Variants in MSH3 observed in about 807,000 individuals in gnomAD.
MSH3 encodes the protein mutS homolog 3, also known as DNA mismatch repair protein Msh3.
In MSH3, 106 loss-of-function variants were observed where a neutral mutation model predicts 123.3. The ratio of observed to expected loss-of-function variants is 0.86; its 90% CI spans 0.73 to 1.01. MSH3 has a LOEUF of 1.01. MSH3 is among the 50% of genes least tolerant of loss of function. MSH3 has a pLI of 0.00. For synonymous variants in MSH3, 515 were observed against 481.4 expected, an observed-to-expected ratio of 1.07 and a Z score of -0.91; for missense variants, 1,459 against 1,347.6, an observed-to-expected ratio of 1.08 and a Z score of -1.29.
intron 20 of MSH3, among the ~76,000 whole-genome samples, chr5:80,850,893 A>G (rs1267394940): frequency 6.6e-6 from 1 of 152,192 alleles, no homozygotes; most frequent in East Asian, 1.9e-4. Flanking sequence ...TCTGACTGGA[A>G]CATTACTCGA....
At chr5:80,674,792 G>C (rs966379681) in intron 6 of MSH3, among the ~76,000 whole-genome samples, 191 bp from the exon 7 acceptor site, 8 of 151,726 alleles carry the variant, frequency 5.3e-5, no homozygotes, top group African/African-American at 1.7e-4. Context: ...TGCCCAGGGT[G>C]GTCTCTCAAA....
intron 8 of MSH3, among the ~76,000 whole-genome samples, chr5:80,685,758 A>T (rs1030688975): frequency 2.0e-5 from 3 of 150,804 alleles, no homozygotes; most frequent in South Asian, 4.2e-4. Flanking sequence ...TTTATTTGAA[A>T]TGTTTCCTCT....
chr5:80,709,486 G>A (rs1750801083), intron 8 of MSH3, among the ~76,000 whole-genome samples: 1 of 151,954 alleles, frequency 6.6e-6, no homozygotes, highest in Admixed American at 6.5e-5. Context: ...GCCTAGCGCA[G>A]TGGCGGGTGC....
intron 12 of MSH3, among the ~76,000 whole-genome samples, chr5:80,759,967 A>G (rs1295714012): frequency 6.6e-6 from 1 of 152,232 alleles, no homozygotes; most frequent in Admixed American, 6.5e-5. Context: ...AAGTTAGTAT[A>G]GAAGCTCTGT....
chr5:80,832,690 C>CTG (rs891240751), intron 20 of MSH3, among the ~76,000 whole-genome samples: 1 of 151,330 alleles, frequency 6.6e-6, no homozygotes, highest in Non-Finnish European at 1.5e-5. Flanking sequence ...TACCACTGAG[C>CTG]TGTGTACCTA....
chr5:80,672,199 T>C, intron 4 of MSH3, 45 bp from the exon 5 acceptor site: 1 of 1,341,634 alleles, frequency 7.5e-7, no homozygotes, highest in Non-Finnish European at 1.1e-6. Flanking sequence ...ACATAGGGAA[T>C]CTTAAAATAT....
intron 12 of MSH3, among the ~76,000 whole-genome samples, chr5:80,756,683 A>G (rs6151770): frequency 0.11 from 16,462 of 152,226 alleles, 918 homozygotes; most frequent in South Asian, 0.14. Flanking sequence ...CTTTTTAAAA[A>G]GTTTTACTAT....
intron 20 of MSH3, among the ~76,000 whole-genome samples, chr5:80,818,508 A>G (rs936779554): frequency 2.0e-5 from 3 of 151,886 alleles, no homozygotes; most frequent in African/African-American, 7.2e-5. Flanking sequence ...TCTTAATTCA[A>G]TCCTGACTCA....
chr5:80,723,273 C>T (rs1751126064), intron 8 of MSH3, among the ~76,000 whole-genome samples: 1 of 151,750 alleles, frequency 6.6e-6, no homozygotes, highest in African/African-American at 2.4e-5. Context: ...GATGCCAAGC[C>T]CTAGAAATTA....
chr5:80,770,594 G>A (rs1744199181), intron 15 of MSH3, among the ~76,000 whole-genome samples: 1 of 152,150 alleles, frequency 6.6e-6, no homozygotes, highest in South Asian at 2.1e-4. Context: ...AAGGTTTGGA[G>A]TAGTTAGATA....
At chr5:80,704,125 G>T (rs1007157722) in intron 8 of MSH3, among the ~76,000 whole-genome samples, 1 of 152,230 alleles carries the variant, frequency 6.6e-6, no homozygotes, top group East Asian at 1.9e-4. Context: ...CTGTTCCGGG[G>T]TCTATCAGCA....
At chr5:80,767,189 A>G (rs1010042648) in intron 13 of MSH3, among the ~76,000 whole-genome samples, 5 of 149,180 alleles carry the variant, frequency 3.4e-5, no homozygotes, top group Non-Finnish European at 7.5e-5. Flanking sequence ...TACTATGAAT[A>G]TTCAGACACA....
chr5:80,737,465 C>G (rs186935516), intron 10 of MSH3, among the ~76,000 whole-genome samples: 48 of 152,220 alleles, frequency 3.2e-4, no homozygotes, highest in African/African-American at 1.1e-3. Context: ...ATTGATAAAA[C>G]TATTTTCCCA....
intron 4 of MSH3, among the ~76,000 whole-genome samples, chr5:80,671,685 G>T (rs1377309833): frequency 6.6e-6 from 1 of 152,200 alleles, no homozygotes; most frequent in Non-Finnish European, 1.5e-5. Flanking sequence ...CATGGCTTCA[G>T]TGGGCAATAT....
At chr5:80,740,226 G>C (rs1475900403) in intron 10 of MSH3, among the ~76,000 whole-genome samples, 1 of 152,102 alleles carries the variant, frequency 6.6e-6, no homozygotes, top group Admixed American at 6.5e-5. Flanking sequence ...GAAATTTATT[G>C]AACTTCTAAT....
At chr5:80,776,928 A>ATATATATATT (rs71640414) in intron 16 of MSH3, among the ~76,000 whole-genome samples, 1 of 139,412 alleles carries the variant, frequency 7.2e-6, no homozygotes, top group East Asian at 2.1e-4. Flanking sequence ...ATATATATAT[A>ATATATATATT]TTTTTTTTTT....
At chr5:80,829,518 G>A (rs1258315145) in intron 20 of MSH3, among the ~76,000 whole-genome samples, 1 of 152,200 alleles carries the variant, frequency 6.6e-6, no homozygotes. Flanking sequence ...TCTTTAGCCA[G>A]TTGATGTGAT....
intron 15 of MSH3, among the ~76,000 whole-genome samples, chr5:80,774,326 A>G (rs1392771062): frequency 5.3e-5 from 8 of 152,092 alleles, no homozygotes; most frequent in Admixed American, 1.3e-4. Flanking sequence ...ATGTGGAGAA[A>G]AGGGAACTCT....
At chr5:80,747,977 A>G (rs1348244697) in intron 12 of MSH3, among the ~76,000 whole-genome samples, 1 of 152,226 alleles carries the variant, frequency 6.6e-6, no homozygotes, top group Admixed American at 6.5e-5. Flanking sequence ...GTTGTTGTTT[A>G]TACTGACATA....
Sources: gnomAD v4.1 joint callset for allele counts (sites outside exome capture counted in the v4.1 genomes callset) on GRCh38, gnomAD v4.1.1 for gene constraint, MANE v1.5 for transcripts, NCBI Gene and HGNC (gene_info 2026-07-23, HGNC 2026-07-21) for gene names.